Variants in UBR3 observed in about 807,000 individuals in gnomAD.
The protein encoded by UBR3 is ubiquitin protein ligase E3 component n-recognin 3, also known as E3 ubiquitin-protein ligase UBR3.
UBR3 carries 85 observed loss-of-function variants against 243.2 expected under a neutral mutation model. The ratio of observed to expected loss-of-function variants is 0.35; its 90% CI spans 0.29 to 0.42. The LOEUF (loss-of-function observed/expected upper bound fraction) is 0.42. Among genes scored for constraint, UBR3 ranks in the 10% least tolerant of loss-of-function variants. The pLI, the probability that UBR3 is intolerant of heterozygous loss-of-function variation, is 1.00. For missense variants in UBR3, 1,686 were observed against 2,300.8 expected, an observed-to-expected ratio of 0.73 and a Z score of 5.47; for synonymous variants, 748 against 799.8, an observed-to-expected ratio of 0.94 and a Z score of 1.09.
At chr2:170,066,948 A>C in intron 35 of UBR3, among the ~76,000 whole-genome samples, 1 of 96,526 alleles carries the variant, frequency 1.0e-5, no homozygotes, top group Non-Finnish European at 2.6e-5. Flanking sequence ...TGGGCGACAG[A>C]GCGAGACTCC....
chr2:169,906,281 C>T (rs1201814558), intron 10 of UBR3, 117 bp downstream of exon 10: 2 of 1,232,246 alleles, frequency 1.6e-6, no homozygotes, highest in Non-Finnish European at 2.1e-6. Context: ...TTGAATTCAG[C>T]TTTATGAAAA....
rs1460768044 is a variant in UBR3 at position 169,947,551 on chromosome 2, G to A, written c.2920G>A (p.Gly974Ser). The change falls in exon 22 of 39, where the codon GGT (glycine) becomes AGT (serine). Residue 974 changes from glycine to serine, a missense_variant. By Grantham distance (56) the Gly-to-Ser change is moderately conservative (BLOSUM62 0). Around this residue, in one of 8 missense-constraint regions of UBR3, gnomAD observed 300 missense variants for 314.4 expected, o/e 0.95. Coordinates refer to ENST00000272793, the MANE Select transcript of UBR3 (RefSeq NM_172070.4). ...EEESDEEASV[G>S]GPERCHDSWF... ...TTTTTTTTTATTTTAGGCATCAGTG[G>A]GTGGACCAGAACGTTGTCATGACAG... 2.0e-6 allele frequency: 3 copies of A among 1,491,326 alleles called. No homozygotes were observed. Among genetic ancestry groups the A allele is most frequent in the Non-Finnish European group, 2.7e-6 (3 of 1,119,748 alleles). The allele number at this position is 1,491,326 out of a possible 1,614,324, so 92.4% of individuals were successfully genotyped here. A position where few individuals can be genotyped will look rare whatever the true frequency, so the allele number is the denominator to read the frequency against.
Position 169,827,546 on chromosome 2 carries a change from G to A in UBR3, c.39G>A (p.Gln13=). The change falls in exon 1 of 39, where the codon CAG becomes CAA. Residue 13 remains glutamine (Q), a synonymous_variant. Coordinates refer to ENST00000272793, the MANE Select transcript of UBR3 (RefSeq NM_172070.4). ...AAAAAAVGGQ[Q]PSQPELPAPG... ...CCGCGGCGGCCGTCGGGGGCCAGCA[G>A]CCGTCACAGCCCGAGCTGCCCGCGC... The A allele has an allele frequency of 8.1e-7, 1 of 1,232,600 alleles. No homozygotes were observed. The highest frequency in any genetic ancestry group is 1.0e-6 in the Non-Finnish European group (1 of 989,466). 76.4% of individuals were successfully genotyped at this position (1,232,600 alleles called of 1,614,324 possible). A position where few individuals can be genotyped will look rare whatever the true frequency, so the allele number is the denominator to read the frequency against.
In UBR3 at chr2:169,942,635, G is replaced by T; in HGVS notation, c.2805+1G>T. 6.6e-7 allele frequency: 1 copy of T among 1,517,864 alleles called. No individual in the cohort carries two copies. Among genetic ancestry groups the T allele is most frequent in the Non-Finnish European group, 8.8e-7 (1 of 1,136,342 alleles). The allele number at this position is 1,517,864 out of a possible 1,614,324, so 94.0% of individuals were successfully genotyped here. On this transcript the variant is annotated splice_donor_variant, in intron 20 of 38. Coordinates refer to ENST00000272793, the MANE Select transcript of UBR3 (RefSeq NM_172070.4). LOFTEE classifies it high-confidence loss of function. ...TGTGCTATTCACTCTGCTTTACAAG[G>T]TACAGTAGTAATTTGAATAGAAAGA...
Position 169,971,676 on chromosome 2 carries a change from T to C in UBR3, c.3634+13150T>C, listed in dbSNP as rs1216131207. Among the ~76,000 whole-genome samples, 3 of 152,182 alleles carry C rather than the reference T, an allele frequency of 2.0e-5. No individual in the cohort carries two copies. In the East Asian group the frequency reaches 5.8e-4, roughly 29 times the overall value. On this transcript the variant is annotated intron_variant, in intron 24 of 38. Coordinates refer to ENST00000272793, the MANE Select transcript of UBR3 (RefSeq NM_172070.4). ...TTTCTGAGGGCTCTGTTCTGTTCCA[T>C]TGATCTATATCTCTGTTTTGGTACC...
At chr2:169,988,709 G>A (rs2089141512) in intron 25 of UBR3, among the ~76,000 whole-genome samples, 4 of 152,094 alleles carry the variant, frequency 2.6e-5, no homozygotes, top group Admixed American at 2.6e-4. Flanking sequence ...GGCCAAGGTG[G>A]GAGGATTGCC....
intron 31 of UBR3, among the ~76,000 whole-genome samples, chr2:170,035,615 C>A: frequency 6.6e-6 from 1 of 151,946 alleles, no homozygotes; most frequent in African/African-American, 2.4e-5. Flanking sequence ...TAATTTTGTT[C>A]TTCTTCGATT....
At chr2:169,940,539 A>G (rs1401209968) in intron 19 of UBR3, among the ~76,000 whole-genome samples, 3 of 152,176 alleles carry the variant, frequency 2.0e-5, no homozygotes, top group Admixed American at 1.3e-4. Context: ...TTTTATAAAT[A>G]TTCTAAGCGC....
intron 10 of UBR3, among the ~76,000 whole-genome samples, chr2:169,907,626 C>T (rs1247042073): frequency 1.3e-5 from 2 of 152,056 alleles, no homozygotes; most frequent in Non-Finnish European, 2.9e-5. Flanking sequence ...TTTCTAAGCT[C>T]TATATATCTC....
intron 25 of UBR3, 41 bp downstream of exon 25, chr2:169,986,835 T>C: frequency 1.2e-6 from 2 of 1,602,088 alleles, no homozygotes; most frequent in Non-Finnish European, 1.7e-6. Context: ...ATTTTAGAGC[T>C]GAAGTATATA....
chr2:170,036,088 T>C (rs1266893078), intron 31 of UBR3, among the ~76,000 whole-genome samples: 1 of 152,008 alleles, frequency 6.6e-6, no homozygotes, highest in Non-Finnish European at 1.5e-5. Flanking sequence ...ATTTTCTACA[T>C]AGACGACCAT....
intron 32 of UBR3, among the ~76,000 whole-genome samples, chr2:170,049,754 T>C (rs1343328864): frequency 2.0e-5 from 3 of 152,214 alleles, no homozygotes; most frequent in Non-Finnish European, 4.4e-5. Flanking sequence ...GATACTTGTC[T>C]GACTTGTCTG....
chr2:169,968,163 G>A (rs1331717519), intron 24 of UBR3, among the ~76,000 whole-genome samples: 1 of 152,132 alleles, frequency 6.6e-6, no homozygotes, highest in Non-Finnish European at 1.5e-5. Flanking sequence ...TCAAATCAGG[G>A]TAATTAGGAT....
intron 32 of UBR3, among the ~76,000 whole-genome samples, chr2:170,051,860 A>G (rs539322736): frequency 3.3e-5 from 5 of 152,072 alleles, no homozygotes; most frequent in Non-Finnish European, 7.4e-5. Context: ...ATCCTTTCCT[A>G]GTTCTTCTAC....
intron 11 of UBR3, among the ~76,000 whole-genome samples, chr2:169,923,390 T>C (rs924923347): frequency 5.9e-5 from 9 of 152,200 alleles, no homozygotes; most frequent in African/African-American, 1.9e-4. Flanking sequence ...TTAAGTTTTC[T>C]AAGTTTGAAT....
intron 31 of UBR3, among the ~76,000 whole-genome samples, chr2:170,033,346 T>C (rs2090730530): frequency 6.6e-6 from 1 of 151,986 alleles, no homozygotes; most frequent in African/African-American, 2.4e-5. Flanking sequence ...TCGTCAATAA[T>C]AACTCTATGT....
At chr2:169,945,039 A>C (rs1387711489) in intron 20 of UBR3, among the ~76,000 whole-genome samples, 1 of 152,122 alleles carries the variant, frequency 6.6e-6, no homozygotes. Context: ...CTATTTGTTG[A>C]ACACCCATTG....
intron 33 of UBR3, among the ~76,000 whole-genome samples, chr2:170,059,342 C>T (rs1324771020): frequency 2.0e-5 from 3 of 152,110 alleles, no homozygotes; most frequent in African/African-American, 7.2e-5. Flanking sequence ...TTCTGTTGTA[C>T]TCTTTGAATC....
At chr2:169,989,415 A>G (rs1377801233) in intron 25 of UBR3, among the ~76,000 whole-genome samples, 1 of 152,144 alleles carries the variant, frequency 6.6e-6, no homozygotes, top group African/African-American at 2.4e-5. Flanking sequence ...AAGAAATTGG[A>G]TCATTGAAAA....
Sources: gnomAD v4.1 joint callset for allele counts (sites outside exome capture counted in the v4.1 genomes callset) on GRCh38, gnomAD v4.1.1 for gene constraint, gnomAD v4.1.1 regional missense constraint, MANE v1.5 for transcripts, NCBI Gene and HGNC (gene_info 2026-07-23, HGNC 2026-07-21) for gene names.